Variants in WDFY3 observed in about 807,000 individuals in gnomAD.
The protein encoded by WDFY3 is WD repeat and FYVE domain-containing protein 3.
In WDFY3, 66 loss-of-function variants were observed where a neutral mutation model predicts 409.6. That is an observed-to-expected ratio of 0.16 (90% confidence interval 0.13 to 0.20). The LOEUF (loss-of-function observed/expected upper bound fraction) is 0.20, where lower values mean the gene tolerates loss of function less well. Among genes scored for constraint, WDFY3 ranks in the 10% least tolerant of loss-of-function variants. The probability of loss-of-function intolerance (pLI) is 1.00; values close to 1 mark genes in which losing one functional copy is unlikely to be tolerated. For missense variants in WDFY3, 3,031 were observed against 4,298.1 expected (o/e 0.71, Z 8.24); for synonymous variants, 1,521 against 1,537.1 (o/e 0.99, Z 0.25).
Position 84,692,967 on chromosome 4 carries a change from G to T in WDFY3, c.8967C>A (p.Ile2989=). The T allele has an allele frequency of 6.2e-7, 1 of 1,613,632 alleles. No individual in the cohort carries two copies. Among genetic ancestry groups the T allele is most frequent in the Non-Finnish European group, 8.5e-7 (1 of 1,179,942 alleles). The part of the protein sequence containing the change: ...RSRLNGDNAG[I]SVLPGSTSDK... ...CACTTGTAGATCCTGGTAGGACAGA[G>T]ATTCCTGCATTGTCTCCATTGAGTC... is the stretch of plus-strand genomic sequence containing the variant. Residue 2989 remains isoleucine (I), a synonymous_variant, in exon 59 of 68, where the codon ATC becomes ATA. Transcript: ENST00000295888.
chr4:84,720,236 G>GAT (rs1734624641), intron 47 of WDFY3, among the ~76,000 whole-genome samples: 2 of 152,086 alleles, frequency 1.3e-5, no homozygotes, highest in South Asian at 2.1e-4. Context: ...AATACAGAGT[G>GAT]ATATATATAA....
intron 8 of WDFY3, among the ~76,000 whole-genome samples, chr4:84,829,809 C>A (rs1181680808): frequency 2.1e-4 from 2 of 9,502 alleles, no homozygotes; most frequent in African/African-American, 7.3e-4. Flanking sequence ...GAGACTGTCT[C>A]AAAATAAATA....
chr4:84,900,441 G>T (rs750901567), intron 2 of WDFY3, among the ~76,000 whole-genome samples: 4 of 152,028 alleles, frequency 2.6e-5, no homozygotes, highest in Non-Finnish European at 4.4e-5. Flanking sequence ...GCCCAGGCTG[G>T]TCTCAAACTC....
rs543761218 is a variant in WDFY3, at chr4:84,720,248, G to T, written c.7605+1161C>A. Among the ~76,000 whole-genome samples, 46 of 152,228 alleles carry T rather than the reference G, an allele frequency of 3.0e-4. No homozygotes were observed. In the South Asian group the frequency reaches 8.7e-3, roughly 29 times the overall value. ...GATAATACAGAGTGATATATATAAG[G>T]CATCATGAAAGTATAGAGGAAGGGT... On this transcript the variant is annotated intron_variant, in intron 47 of 67. Transcript: ENST00000295888.
intron 4 of WDFY3, among the ~76,000 whole-genome samples, chr4:84,852,350 G>T (rs1759147729): frequency 6.6e-6 from 1 of 152,154 alleles, no homozygotes; most frequent in Non-Finnish European, 1.5e-5. Flanking sequence ...AATATTTTCA[G>T]ACCACAGATG....
At chr4:84,783,300 CTGG>C (rs1746895682) in intron 24 of WDFY3, among the ~76,000 whole-genome samples, 1 of 152,112 alleles carries the variant, frequency 6.6e-6, no homozygotes, top group South Asian at 2.1e-4. Flanking sequence ...TGAGACCAGC[CTGG>C]GAAACATGGC....
intron 2 of WDFY3, among the ~76,000 whole-genome samples, chr4:84,914,135 AT>A (rs1399900974): frequency 6.6e-6 from 1 of 152,172 alleles, no homozygotes; most frequent in African/African-American, 2.4e-5. Context: ...ACAGTAGGTT[AT>A]TAGGGCCGGG....
chr4:84,959,048 A>G (rs1419858647), intron 1 of WDFY3, among the ~76,000 whole-genome samples: 1 of 152,206 alleles, frequency 6.6e-6, no homozygotes, highest in Admixed American at 6.5e-5. Context: ...ACAATTGACA[A>G]TAGTAATACT....
intron 2 of WDFY3, among the ~76,000 whole-genome samples, chr4:84,925,956 C>T (rs948854212): frequency 5.3e-5 from 8 of 151,550 alleles, no homozygotes; most frequent in African/African-American, 1.9e-4. Flanking sequence ...TTAAATTTTT[C>T]AAAATATAAA....
At chr4:84,692,800 A>C in intron 59 of WDFY3, 85 bp downstream of exon 59, 1 of 1,382,542 alleles carries the variant, frequency 7.2e-7, no homozygotes, top group African/African-American at 1.5e-5. Context: ...TGCTATCGTC[A>C]AAAAGCAAAT....
chr4:84,818,620 A>G (rs1220551638), intron 12 of WDFY3, among the ~76,000 whole-genome samples: 1 of 152,172 alleles, frequency 6.6e-6, no homozygotes, highest in Non-Finnish European at 1.5e-5. Context: ...GATTCAGCAC[A>G]TGGAATTTGT....
At chr4:84,803,164 T>C (rs560653171) in intron 16 of WDFY3, 126 bp downstream of exon 16, 51 of 1,071,618 alleles carry the variant, frequency 4.8e-5, no homozygotes, top group East Asian at 8.8e-5. Context: ...TCCTTTTTTT[T>C]CCCCTTCAGC....
chr4:84,755,245 T>C (rs1346557610), intron 34 of WDFY3, 21 bp downstream of exon 34: 2 of 1,608,380 alleles, frequency 1.2e-6, no homozygotes, highest in Non-Finnish European at 1.7e-6. Flanking sequence ...TCAATAGGCC[T>C]GGGCATTTGA....
At chr4:84,823,165 C>T (rs1198059573) in intron 10 of WDFY3, among the ~76,000 whole-genome samples, 1 of 152,028 alleles carries the variant, frequency 6.6e-6, no homozygotes, top group Non-Finnish European at 1.5e-5. Flanking sequence ...ATCAATCAAA[C>T]AAAATTCAGA....
chr4:84,945,245 G>A (rs1231400292), intron 1 of WDFY3, among the ~76,000 whole-genome samples: 4 of 152,228 alleles, frequency 2.6e-5, no homozygotes, highest in East Asian at 1.9e-4. Flanking sequence ...AAATCTGCAC[G>A]AACTCATTAA....
chr4:84,823,231 C>T lies in WDFY3; in HGVS notation c.1124-1680G>A, dbSNP rs185937266. Reference sequence around the variant, plus strand: ...ATATTTTCAACAAAGGGTCTTGGCACATTCAGATACCCATATTAAAAAAGA... The same window carrying T: ...ATATTTTCAACAAAGGGTCTTGGCATATTCAGATACCCATATTAAAAAAGA... On this transcript the variant is annotated intron_variant, in intron 10 of 67. Coordinates refer to ENST00000295888, the MANE Select transcript of WDFY3 (RefSeq NM_014991.6). Among the ~76,000 whole-genome samples the T allele has an allele frequency of 5.3e-5, 8 of 152,230 alleles. No individual in the cohort carries two copies. In the East Asian group the frequency reaches 1.4e-3, roughly 26 times the overall value.
At position 84,712,768 on chromosome 4, in the gene WDFY3, T is replaced by C. The variant is rs150989568; in HGVS notation, c.8042+391A>G. 1.4e-3 allele frequency among the ~76,000 whole-genome samples: 208 copies of C among 152,218 alleles called. 1 individual carries two copies. The highest frequency in any genetic ancestry group is 2.5e-3 in the Non-Finnish European group (170 of 67,998). On this transcript the variant is annotated intron_variant, in intron 51 of 67. Coordinates refer to ENST00000295888, the MANE Select transcript of WDFY3 (RefSeq NM_014991.6). ...CTGATAAAGATGAAATATCCAAAAA[T>C]TACATGATGTTTTATATATGTGATG...
intron 21 of WDFY3, 31 bp from the exon 22 acceptor site, chr4:84,789,938 T>TGG: frequency 1.9e-6 from 3 of 1,609,520 alleles, no homozygotes; most frequent in Non-Finnish European, 2.5e-6. Flanking sequence ...CATAAAAACT[T>TGG]TTTCCAACAC....
intron 2 of WDFY3, among the ~76,000 whole-genome samples, chr4:84,910,533 T>C (rs1184260158): frequency 2.0e-5 from 3 of 152,120 alleles, no homozygotes; most frequent in Non-Finnish European, 4.4e-5. Flanking sequence ...CAACTGATTT[T>C]CAACAAGAGA....
Sources: allele counts gnomAD v4.1 joint callset (sites outside exome capture counted in the v4.1 genomes callset), GRCh38; gene constraint gnomAD v4.1.1; transcripts MANE v1.5; gene names NCBI Gene and HGNC (gene_info 2026-07-23, HGNC 2026-07-21).